RASGEF1A: variants seen among roughly 807,000 people sequenced by gnomAD.
RASGEF1A encodes RasGEF domain family member 1A, also known as ras-GEF domain-containing family member 1A.
Under a neutral mutation model 56.4 loss-of-function variants are expected in RASGEF1A, and 18 were observed. The observed-to-expected ratio is 0.32, with a 90% CI of 0.22 to 0.47. The LOEUF (loss-of-function observed/expected upper bound fraction) is 0.47. RASGEF1A is among the 20% of genes least tolerant of loss of function. The pLI is 1.00. For missense variants in RASGEF1A, 422 were observed against 627.1 expected (o/e 0.67, Z 3.49); for synonymous variants, 245 against 242.6 (o/e 1.01, Z -0.09).
chr10:43,200,072 C>A, intron 6 of RASGEF1A, 110 bp downstream of exon 6: 1 of 893,618 alleles, frequency 1.1e-6, no homozygotes, highest in Non-Finnish European at 1.8e-6. Flanking sequence ...TGGCCCAGCA[C>A]TCCGGAGACG....
At chr10:43,209,685 C>T (rs1222290496) in intron 1 of RASGEF1A, among the ~76,000 whole-genome samples, 2 of 142,916 alleles carry the variant, frequency 1.4e-5, no homozygotes, top group Admixed American at 7.0e-5. Flanking sequence ...TCAGGAAGCC[C>T]CCCCACCAGG....
intron 7 of RASGEF1A, 74 bp downstream of exon 7, chr10:43,199,602 T>A: frequency 8.0e-7 from 1 of 1,243,208 alleles, no homozygotes; most frequent in Admixed American, 1.8e-5. Flanking sequence ...ATCATCTAAT[T>A]CCTGGGGCAA....
intron 1 of RASGEF1A, chr10:43,207,298 T>A (rs1187733482): frequency 2.0e-6 from 2 of 985,318 alleles, no homozygotes; most frequent in Non-Finnish European, 2.4e-6. Context: ...ATTGTTGCCA[T>A]GATTACTTCA....
rs1192904121 is a variant in RASGEF1A, at chr10:43,203,498, C to T, written c.199-78G>A. 2.8e-6 allele frequency: 4 copies of T among 1,448,588 alleles called. No homozygotes were observed. The African/African-American group carries it at 5.8e-5, about 21-fold the overall frequency. 89.7% of individuals were successfully genotyped at this position (1,448,588 alleles called of 1,614,324 possible). On this transcript the variant is annotated intron_variant, in intron 2 of 12. Transcript: ENST00000395810. ...GGGCTCACCGCGCTGCTTCACCTGGCCCGGCTGCCTCCCAGGCCCAGCACC... is the reference window on the plus strand; with the variant it reads ...GGGCTCACCGCGCTGCTTCACCTGGTCCGGCTGCCTCCCAGGCCCAGCACC...
chr10:43,234,409 C>A (rs958796829), intron 1 of RASGEF1A, among the ~76,000 whole-genome samples: 3 of 152,102 alleles, frequency 2.0e-5, no homozygotes, highest in African/African-American at 7.2e-5. Flanking sequence ...AAAGGCACAG[C>A]CTACAGGGTC....
chr10:43,264,507 A>C (rs974520995), intron 1 of RASGEF1A, among the ~76,000 whole-genome samples: 2 of 151,532 alleles, frequency 1.3e-5, no homozygotes, highest in African/African-American at 4.8e-5. Flanking sequence ...CATCCTCCCC[A>C]GCAGGGAGTG....
chr10:43,196,884 G>T lies in RASGEF1A; in HGVS notation c.1348+92C>A. The T allele has an allele frequency of 6.7e-7, 1 of 1,488,076 alleles. No individual in the cohort carries two copies. The highest frequency in any genetic ancestry group is 9.1e-7 in the Non-Finnish European group (1 of 1,092,996). 92.2% of individuals were successfully genotyped at this position (1,488,076 alleles called of 1,614,324 possible). On this transcript the variant is annotated intron_variant, in intron 11 of 12. Transcript: ENST00000395810. The surrounding 1 kb of genome is among the most constrained non-coding windows in gnomAD (Gnocchi z 4.6). ...CCTGTGTGGCATGGAGCAGCCAGCA[G>T]GCCATCTCCCAGGGCAACCCCAAAG...
At chr10:43,217,078 AG>A (rs1840146943) in intron 1 of RASGEF1A, among the ~76,000 whole-genome samples, 1 of 152,120 alleles carries the variant, frequency 6.6e-6, no homozygotes, top group South Asian at 2.1e-4. Context: ...GAAATGAGGT[AG>A]GGGCCACCCC....
At chr10:43,231,622 C>G (rs549547730) in intron 1 of RASGEF1A, among the ~76,000 whole-genome samples, 3 of 152,276 alleles carry the variant, frequency 2.0e-5, no homozygotes, top group African/African-American at 7.2e-5. Flanking sequence ...GACGCTTCCC[C>G]GGGAGGAATG....
chr10:43,266,126 G>C (rs7913789), intron 1 of RASGEF1A, among the ~76,000 whole-genome samples: 44,333 of 152,142 alleles, frequency 0.29, 6,845 homozygotes, highest in Non-Finnish European at 0.33. Flanking sequence ...CAGAAATGCA[G>C]GGCACAGGAA....
At chr10:43,203,220 C>T in intron 3 of RASGEF1A, 78 bp downstream of exon 3, 2 of 1,441,472 alleles carry the variant, frequency 1.4e-6, no homozygotes, top group Non-Finnish European at 1.9e-6. Context: ...GAACCCCGCC[C>T]CATGCCTCCA....
intron 1 of RASGEF1A, among the ~76,000 whole-genome samples, chr10:43,239,904 T>C (rs977542156): frequency 1.3e-5 from 2 of 150,460 alleles, no homozygotes; most frequent in Admixed American, 6.7e-5. Context: ...AAGCAAGCAA[T>C]AGACTAACCA....
rs567624713 is a variant in RASGEF1A, at chr10:43,239,952, ATAGGGGT to A, written c.-7+26886_-7+26892del. 3.3e-4 allele frequency among the ~76,000 whole-genome samples: 51 copies of A among 152,356 alleles called. No individual in the cohort carries two copies. In the East Asian group the frequency reaches 3.9e-3, roughly 12 times the overall value. ...GGAAAGTTTCAGTAATGACATGATC[ATAGGGGT>A]TTTGAAAAACTGCAGTGCATTCCTG... On this transcript the variant is annotated intron_variant, in intron 1 of 12. Coordinates refer to ENST00000395810, the MANE Select transcript of RASGEF1A (RefSeq NM_145313.4).
At chr10:43,229,692 G>C (rs1174631542) in intron 1 of RASGEF1A, 1 of 1,443,580 alleles carries the variant, frequency 6.9e-7, no homozygotes, top group Non-Finnish European at 9.1e-7. Context: ...TGCCCGGTCC[G>C]GCGTCCAGCG....
intron 1 of RASGEF1A, among the ~76,000 whole-genome samples, chr10:43,243,665 C>T (rs1473867772): frequency 1.0e-4 from 15 of 148,160 alleles, no homozygotes; most frequent in African/African-American, 2.5e-4. Context: ...CGCCTCTGCC[C>T]GGCCGCTCTT....
At chr10:43,254,504 C>A (rs1211303597) in intron 1 of RASGEF1A, among the ~76,000 whole-genome samples, 1 of 152,228 alleles carries the variant, frequency 6.6e-6, no homozygotes, top group East Asian at 1.9e-4. Context: ...CACCTCGGGC[C>A]TCACGGCTGC....
intron 1 of RASGEF1A, among the ~76,000 whole-genome samples, chr10:43,238,160 C>T (rs974374680): frequency 4.7e-4 from 17 of 35,962 alleles, no homozygotes; most frequent in African/African-American, 2.3e-3. Context: ...CACAGAGTAA[C>T]ACCTGCCCCT....
chr10:43,229,838 GGCGGGGCAGAGGGGCC>G, intron 1 of RASGEF1A: 1 of 942,394 alleles, frequency 1.1e-6, no homozygotes, highest in Non-Finnish European at 1.4e-6. Flanking sequence ...GCGGGGTCCG[GGCGGGGCAGAGGGGCC>G]GCGAGGCCGG....
chr10:43,250,937 C>T (rs894999919), intron 1 of RASGEF1A, among the ~76,000 whole-genome samples: 2 of 152,208 alleles, frequency 1.3e-5, no homozygotes, highest in Non-Finnish European at 2.9e-5. Flanking sequence ...GAGGTGGAGA[C>T]GTGCAGGCAG....
Sources: allele counts gnomAD v4.1 joint callset (sites outside exome capture counted in the v4.1 genomes callset), GRCh38; gene constraint gnomAD v4.1.1; non-coding constraint Gnocchi (gnomAD v3.1); transcripts MANE v1.5; gene names NCBI Gene and HGNC (gene_info 2026-07-23, HGNC 2026-07-21).